Variants in ITPK1 observed in about 807,000 individuals in gnomAD.
ITPK1 encodes inositol-tetrakisphosphate 1-kinase, also known as inositol 1,3,4-trisphosphate 5/6-kinase.
ITPK1 carries 21 observed loss-of-function variants against 45.3 expected under a neutral mutation model. That is an observed-to-expected ratio of 0.46 (90% confidence interval 0.33 to 0.67). The LOEUF is 0.67. Ranked by LOEUF, ITPK1 falls within the 30% of genes least tolerant of loss-of-function variation. The pLI is 0.02. For missense variants in ITPK1, 474 were observed against 573.5 expected, an observed-to-expected ratio of 0.83 and a Z score of 1.77; for synonymous variants, 258 against 253.6, an observed-to-expected ratio of 1.02 and a Z score of -0.16.
In ITPK1 at chr14:92,941,332, T is replaced by C; in HGVS notation, c.*229A>G. On this transcript the variant is annotated 3_prime_UTR_variant, in exon 11 of 11. Coordinates refer to ENST00000267615, the MANE Select transcript of ITPK1 (RefSeq NM_014216.6). ...AAACTCAGTTAGGAGGTCTGCACAG[T>C]AGAGAGCAGGCGGACGGCCCCACTC... The C allele has an allele frequency of 2.1e-6, 3 of 1,411,916 alleles. No homozygotes were observed. The highest frequency in any genetic ancestry group is 1.8e-6 in the Non-Finnish European group (2 of 1,090,404). 87.5% of individuals were successfully genotyped at this position (1,411,916 alleles called of 1,614,324 possible).
intron 3 of ITPK1, among the ~76,000 whole-genome samples, chr14:93,021,964 A>G (rs1888491818): frequency 6.6e-6 from 1 of 152,236 alleles, no homozygotes; most frequent in South Asian, 2.1e-4. Context: ...AAGGCATAAG[A>G]GTGGGTAACT....
At chr14:93,088,022 A>T (rs1431509535) in intron 2 of ITPK1, among the ~76,000 whole-genome samples, 3 of 152,220 alleles carry the variant, frequency 2.0e-5, no homozygotes, top group African/African-American at 7.2e-5. Flanking sequence ...GCTCATCCTG[A>T]GGTCCATCAG....
At chr14:93,108,638 A>G (rs929470613) in intron 2 of ITPK1, among the ~76,000 whole-genome samples, 6 of 152,272 alleles carry the variant, frequency 3.9e-5, no homozygotes, top group Non-Finnish European at 8.8e-5. Flanking sequence ...CCCTGAGCGC[A>G]GGAGGGTGCG....
intron 7 of ITPK1, among the ~76,000 whole-genome samples, chr14:92,960,286 TGA>T (rs1885000259): frequency 6.6e-6 from 1 of 152,162 alleles, no homozygotes; most frequent in East Asian, 1.9e-4. Flanking sequence ...ACTTGAGGGC[TGA>T]GAGTCCCGAG....
chr14:93,088,484 T>C (rs1891741214), intron 2 of ITPK1, among the ~76,000 whole-genome samples: 1 of 151,874 alleles, frequency 6.6e-6, no homozygotes, highest in Non-Finnish European at 1.5e-5. Context: ...GCCACCCAAG[T>C]AGCTGGGACT....
chr14:93,023,301 G>C (rs183716086), intron 3 of ITPK1, among the ~76,000 whole-genome samples: 1 of 152,292 alleles, frequency 6.6e-6, no homozygotes, highest in Admixed American at 6.5e-5. Flanking sequence ...CCGTTTCCTG[G>C]GCAGAGCATG....
chr14:92,951,644 G>A (rs1366651395), intron 9 of ITPK1, among the ~76,000 whole-genome samples: 1 of 152,182 alleles, frequency 6.6e-6, no homozygotes, highest in Admixed American at 6.5e-5. Flanking sequence ...CATGCTGGGA[G>A]AAGGGTCAGC....
chr14:93,109,657 C>T (rs547926437), intron 2 of ITPK1, among the ~76,000 whole-genome samples: 4 of 152,220 alleles, frequency 2.6e-5, no homozygotes, highest in South Asian at 2.1e-4. Context: ...GACAGCACCT[C>T]CACCTCCTGG....
intron 2 of ITPK1, among the ~76,000 whole-genome samples, chr14:93,080,992 G>A (rs1891411916): frequency 6.6e-6 from 1 of 151,396 alleles, no homozygotes; most frequent in Admixed American, 6.6e-5. Context: ...ATTACAGGCT[G>A]AGCCACTGCA....
In ITPK1 at chr14:93,012,269, T is replaced by G. The variant is rs1035894540; in HGVS notation, c.246+4407A>C. On this transcript the variant is annotated intron_variant, in intron 4 of 10. Transcript: ENST00000267615. The surrounding 1 kb of genome is among the most constrained non-coding windows in gnomAD (Gnocchi z 4.9). Reference sequence around the variant, plus strand: ...AGCCACTGATAAAGAATTACGAACTTCCGAAGGGCATGAAGGAAAAGTGCA... The same window carrying G: ...AGCCACTGATAAAGAATTACGAACTGCCGAAGGGCATGAAGGAAAAGTGCA... Among the ~76,000 whole-genome samples the G allele has an allele frequency of 1.3e-5, 2 of 152,068 alleles. No individual in the cohort carries two copies. Among genetic ancestry groups the G allele is most frequent in the East Asian group, 3.9e-4 (2 of 5,182 alleles).
intron 4 of ITPK1, among the ~76,000 whole-genome samples, chr14:93,006,639 G>A (rs1342783904): frequency 2.6e-5 from 4 of 152,182 alleles, no homozygotes; most frequent in African/African-American, 4.8e-5. Context: ...TCACTTAGCC[G>A]CCTGGCATGT....
intron 5 of ITPK1, among the ~76,000 whole-genome samples, chr14:92,963,277 T>C (rs922093673): frequency 1.3e-5 from 2 of 152,238 alleles, no homozygotes; most frequent in Non-Finnish European, 2.9e-5. Flanking sequence ...CACCATGTGA[T>C]ACACTGGCTT....
intron 3 of ITPK1, among the ~76,000 whole-genome samples, chr14:93,060,141 T>C (rs969397254): frequency 2.0e-5 from 3 of 152,080 alleles, no homozygotes; most frequent in African/African-American, 7.3e-5. Context: ...TGGCTTGCTA[T>C]GACTACCATC....
intron 3 of ITPK1, among the ~76,000 whole-genome samples, chr14:93,074,124 G>C (rs1891125260): frequency 6.6e-6 from 1 of 152,192 alleles, no homozygotes; most frequent in Non-Finnish European, 1.5e-5. Flanking sequence ...AAATCTAAAA[G>C]TTCTCCAAAT....
intron 5 of ITPK1, among the ~76,000 whole-genome samples, chr14:92,986,978 C>T (rs2139794719): frequency 6.6e-6 from 1 of 152,220 alleles, no homozygotes; most frequent in East Asian, 1.9e-4. Context: ...GGGGCTGCTG[C>T]CCTGTCCACA....
intron 5 of ITPK1, among the ~76,000 whole-genome samples, chr14:92,966,396 G>GT (rs1326470594): frequency 6.6e-6 from 1 of 152,134 alleles, no homozygotes; most frequent in African/African-American, 2.4e-5. Context: ...AAAAATAAGT[G>GT]TAAGACTTAA....
At chr14:93,002,597 G>A (rs1887407715) in intron 4 of ITPK1, among the ~76,000 whole-genome samples, 1 of 152,212 alleles carries the variant, frequency 6.6e-6, no homozygotes, top group Non-Finnish European at 1.5e-5. Context: ...CCAAGGCGAG[G>A]CCACCAGCCT....
At chr14:93,115,035 G>A (rs1462049732) in intron 2 of ITPK1, 34 bp downstream of exon 2, 25 of 1,415,710 alleles carry the variant, frequency 1.8e-5, no homozygotes, top group Non-Finnish European at 2.4e-5. Flanking sequence ...TCGGGCCGGG[G>A]GTCCCCGGGC....
At chr14:92,957,009 C>T (rs1218977341) in intron 8 of ITPK1, among the ~76,000 whole-genome samples, 1 of 152,166 alleles carries the variant, frequency 6.6e-6, no homozygotes, top group Non-Finnish European at 1.5e-5. Flanking sequence ...AACACCTGCA[C>T]GTTTCCAAAG....
Sources: allele counts gnomAD v4.1 joint callset (sites outside exome capture counted in the v4.1 genomes callset), GRCh38; gene constraint gnomAD v4.1.1; non-coding constraint Gnocchi (gnomAD v3.1); transcripts MANE v1.5; gene names NCBI Gene and HGNC (gene_info 2026-07-23, HGNC 2026-07-21).